RBM26: variants seen among roughly 807,000 people sequenced by gnomAD.
The protein encoded by RBM26 is RNA-binding protein 26.
Under a neutral mutation model 123.6 loss-of-function variants are expected in RBM26, and 30 were observed. The ratio of observed to expected loss-of-function variants is 0.24; its 90% CI spans 0.18 to 0.33. The LOEUF is 0.33. Among genes scored for constraint, RBM26 ranks in the 10% least tolerant of loss-of-function variants. The probability of loss-of-function intolerance (pLI) is 1.00; values close to 1 mark genes in which losing one functional copy is unlikely to be tolerated. For missense variants in RBM26, 947 were observed against 1,203.6 expected, an observed-to-expected ratio of 0.79 and a Z score of 3.15; for synonymous variants, 400 against 404.4, an observed-to-expected ratio of 0.99 and a Z score of 0.13.
At chr13:79,321,009 T>C (rs1334607441) in intron 21 of RBM26, among the ~76,000 whole-genome samples, 2 of 151,338 alleles carry the variant, frequency 1.3e-5, no homozygotes, top group Non-Finnish European at 3.0e-5. Flanking sequence ...CTTTAAAATA[T>C]TGGTCAAACT....
intron 20 of RBM26, among the ~76,000 whole-genome samples, chr13:79,332,632 T>A (rs1328002575): frequency 6.6e-6 from 1 of 152,222 alleles, no homozygotes; most frequent in African/African-American, 2.4e-5. Flanking sequence ...AGCTATTTCC[T>A]CTAAATAGGT....
At chr13:79,404,547 C>A (rs1185093492) in intron 1 of RBM26, among the ~76,000 whole-genome samples, 1 of 152,196 alleles carries the variant, frequency 6.6e-6, no homozygotes, top group Non-Finnish European at 1.5e-5. Context: ...AACTTGTTGC[C>A]TTTATATCCT....
Position 79,366,627 on chromosome 13 carries a change from A to T in RBM26, c.1135+6T>A, listed in dbSNP as rs1594374002. ...TAAATACAGGGAAACAAACAGATTTACTTACCTGTAACAGGTGGGAGACTG... is the reference window on the plus strand; with the variant it reads ...TAAATACAGGGAAACAAACAGATTTTCTTACCTGTAACAGGTGGGAGACTG... On this transcript the variant is annotated splice_donor_region_variant and intron_variant, in intron 7 of 21. Transcript: ENST00000438737. 6.5e-7 allele frequency: 1 copy of T among 1,527,004 alleles called. No homozygotes were observed. The highest frequency in any genetic ancestry group is 1.8e-4 in the Middle Eastern group (1 of 5,674). 94.6% of individuals were successfully genotyped at this position (1,527,004 alleles called of 1,614,324 possible). A position where few individuals can be genotyped will look rare whatever the true frequency, so the allele number is the denominator to read the frequency against.
At chr13:79,381,915 G>T (rs2077099127) in intron 1 of RBM26, among the ~76,000 whole-genome samples, 1 of 152,048 alleles carries the variant, frequency 6.6e-6, no homozygotes, top group Non-Finnish European at 1.5e-5. Context: ...AAATTATATA[G>T]AAGCAGGGGT....
rs2072174614 is a variant in RBM26, at chr13:79,345,506, G to T, written c.2059-712C>A. Among the ~76,000 whole-genome samples the T allele has an allele frequency of 5.3e-5, 8 of 151,974 alleles. No homozygotes were observed. The South Asian group carries it at 1.7e-3, about 32-fold the overall frequency. On this transcript the variant is annotated intron_variant, in intron 14 of 21. Transcript: ENST00000438737. ...ATGTGTCTTTTCCCCCGTCTACAAT[G>T]TAAGGGCATTAACATAAAGACTTGC...
chr13:79,342,973 T>C (rs2071670625), intron 16 of RBM26, 142 bp from the exon 17 acceptor site: 3 of 531,742 alleles, frequency 5.6e-6, no homozygotes, highest in Non-Finnish European at 9.7e-6. Context: ...AACCATGAAT[T>C]ATCTAAAGAT....
rs937626799 is a variant in RBM26 at position 79,320,480 on chromosome 13, T to C, written c.*141A>G. 3 of 1,265,720 alleles carry C rather than the reference T, an allele frequency of 2.4e-6. No homozygotes were observed. Among genetic ancestry groups the C allele is most frequent in the African/African-American group, 3.1e-5 (2 of 64,518 alleles). 78.4% of individuals were successfully genotyped at this position (1,265,720 alleles called of 1,614,324 possible). ...AAAATACAAGATCAGAAGGTAGTTTTCTTCTTTTTTGTCTATTTGTGAAAT... is the reference window on the plus strand; with the variant it reads ...AAAATACAAGATCAGAAGGTAGTTTCCTTCTTTTTTGTCTATTTGTGAAAT... On this transcript the variant is annotated 3_prime_UTR_variant, in exon 22 of 22. Coordinates refer to ENST00000438737, the MANE Select transcript of RBM26 (RefSeq NM_001366735.2).
chr13:79,381,586 T>C (rs1243364636), intron 1 of RBM26, among the ~76,000 whole-genome samples: 1 of 152,052 alleles, frequency 6.6e-6, no homozygotes, highest in African/African-American at 2.4e-5. Context: ...TTTTCAATTC[T>C]CTCAACGAAA....
At chr13:79,325,680 AATTTATT>A (rs2068283498) in intron 20 of RBM26, among the ~76,000 whole-genome samples, 1 of 152,212 alleles carries the variant, frequency 6.6e-6, no homozygotes, top group Non-Finnish European at 1.5e-5. Flanking sequence ...AACTAAGGTT[AATTTATT>A]ATTAAAGAAA....
intron 6 of RBM26, 140 bp from the exon 7 acceptor site, chr13:79,367,012 C>G (rs2075326230): frequency 1.6e-6 from 1 of 643,678 alleles, no homozygotes. Flanking sequence ...TTCCCAAGAG[C>G]TACCTGATCT....
chr13:79,322,826 C>T (rs2067841102), intron 20 of RBM26, among the ~76,000 whole-genome samples: 1 of 151,362 alleles, frequency 6.6e-6, no homozygotes, highest in Non-Finnish European at 1.5e-5. Flanking sequence ...TCCCAAGGTA[C>T]TTCAAGATCC....
In RBM26 at chr13:79,356,630, CAT is replaced by C. The variant is rs2074048095; in HGVS notation, c.1690-1248_1690-1247del. On this transcript the variant is annotated intron_variant, in intron 11 of 21. Transcript: ENST00000438737. ...ATAACTATAAAGATAATTTTGGTAA[CAT>C]TTTAATAATTATACATTTTTTAAGA... 2.0e-5 allele frequency among the ~76,000 whole-genome samples: 3 copies of C among 152,006 alleles called. No homozygotes were observed. In the South Asian group the frequency reaches 6.2e-4, roughly 31 times the overall value.
chr13:79,372,815 T>TATATGA (rs1210650864), intron 3 of RBM26, among the ~76,000 whole-genome samples: 1,130 of 112,454 alleles, frequency 0.01, 324 homozygotes, highest in African/African-American at 0.048. Context: ...TGATATATAT[T>TATATGA]TATAATAAAT....
At position 79,358,302 on chromosome 13, in the gene RBM26, C is replaced by T; in HGVS notation, c.1661G>A (p.Ser554Asn). The change falls in exon 11 of 22, where the codon AGT (serine) becomes AAT (asparagine). Residue 554 changes from serine (S) to asparagine (N), a missense_variant. Ser to Asn is a conservative substitution (Grantham distance 46). Transcript: ENST00000438737. ...TAAGTTAACCAAGGTTCCAAATCGACTAAAATGTTCATTAAGTTTGCTGAT... is the reference window on the plus strand; with the variant it reads ...TAAGTTAACCAAGGTTCCAAATCGATTAAAATGTTCATTAAGTTTGCTGAT... ...NNISKLNEHF[S>N]RFGTLVNLQV... 2 of 1,608,152 alleles carry T rather than the reference C, an allele frequency of 1.2e-6. No homozygotes were observed. Among genetic ancestry groups the T allele is most frequent in the Non-Finnish European group, 1.7e-6 (2 of 1,178,184 alleles).
At chr13:79,356,681 C>G (rs539851546) in intron 11 of RBM26, among the ~76,000 whole-genome samples, 20 of 152,106 alleles carry the variant, frequency 1.3e-4, no homozygotes, top group Middle Eastern at 3.4e-3. Flanking sequence ...AATTTCATCA[C>G]TATGTTTAAT....
chr13:79,349,696 T>TTA (rs2072922002), intron 14 of RBM26, among the ~76,000 whole-genome samples: 1 of 150,470 alleles, frequency 6.6e-6, no homozygotes, highest in East Asian at 1.9e-4. Flanking sequence ...CTATGATAAA[T>TTA]CCCACTCTTT....
intron 3 of RBM26, among the ~76,000 whole-genome samples, chr13:79,372,576 C>G (rs1048602886): frequency 6.7e-6 from 1 of 150,188 alleles, no homozygotes; most frequent in South Asian, 2.1e-4. Flanking sequence ...AAAAGTCTAA[C>G]ATATATTCAT....
At chr13:79,320,838 C>A in intron 21 of RBM26, 128 bp from the exon 22 acceptor site, 6 of 1,088,184 alleles carry the variant, frequency 5.5e-6, no homozygotes, top group Non-Finnish European at 6.2e-6. Flanking sequence ...ATAGCTAGAA[C>A]ATTCACAAAA....
chr13:79,326,712 C>T (rs958300825), intron 20 of RBM26, among the ~76,000 whole-genome samples: 2 of 151,928 alleles, frequency 1.3e-5, no homozygotes, highest in African/African-American at 4.8e-5. Flanking sequence ...TCCAAAGCAA[C>T]TTAAATTATC....
Sources: gnomAD v4.1 joint callset for allele counts (sites outside exome capture counted in the v4.1 genomes callset) on GRCh38, gnomAD v4.1.1 for gene constraint, MANE v1.5 for transcripts, NCBI Gene and HGNC (gene_info 2026-07-23, HGNC 2026-07-21) for gene names.